The following DST variants were observed in gnomAD, a reference collection of about 807,000 sequenced individuals.
The protein encoded by DST is dystonin, also known as bullous pemphigoid antigen.
In DST, 253 loss-of-function variants were observed where a neutral mutation model predicts 875.2. That is an observed-to-expected ratio of 0.29 (90% CI 0.26 to 0.32). The LOEUF is 0.32. Among genes scored for constraint, DST ranks in the 10% least tolerant of loss-of-function variants. The pLI is 1.00. For missense variants in DST, 8,287 were observed against 9,111.6 expected (o/e 0.91, Z 3.68); for synonymous variants, 3,124 against 3,197.1 (o/e 0.98, Z 0.77).
Position 56,594,048 on chromosome 6 carries a change from T to C in DST, c.12341A>G (p.His4114Arg), listed in dbSNP as rs1177096506. The C allele has an allele frequency of 1.2e-6, 2 of 1,613,764 alleles. No homozygotes were observed. Among genetic ancestry groups the C allele is most frequent in the Non-Finnish European group, 1.7e-6 (2 of 1,179,864 alleles). The change falls in exon 48 of 104, where the codon CAT (histidine) becomes CGT (arginine). Residue 4114 changes from histidine to arginine, a missense_variant. Physicochemically the swap from His to Arg is conservative, Grantham distance 29. Transcript: ENST00000680361. The stretch of plus-strand genomic sequence containing the variant: ...TGACTCAGCCAGTGCAGTTTCATAA[T>C]GCACTTTCAGTTCCTTCATGTTCTT... ...LQKNMKELKVHYETALAESEK... is the reference protein window; with the variant it reads ...LQKNMKELKVRYETALAESEK...
chr6:56,922,443 C>T (rs1592529171), intron 2 of DST, among the ~76,000 whole-genome samples: 5 of 152,150 alleles, frequency 3.3e-5, no homozygotes, highest in Admixed American at 3.3e-4. Flanking sequence ...TTAAAAAGGA[C>T]TTGGATGCCA....
At chr6:56,669,713 TC>T (rs1200076753) in intron 10 of DST, among the ~76,000 whole-genome samples, 1 of 152,142 alleles carries the variant, frequency 6.6e-6, no homozygotes, top group African/African-American at 2.4e-5. Flanking sequence ...AGGTTTGAGT[TC>T]CAAGTCTGCC....
chr6:56,720,442 C>G (rs775318975), intron 5 of DST, among the ~76,000 whole-genome samples: 2 of 150,374 alleles, frequency 1.3e-5, no homozygotes, highest in Non-Finnish European at 2.9e-5. Context: ...GTGGAGAGAA[C>G]GTCAGCAGAT....
Position 56,465,103 on chromosome 6 carries a change from G to A in DST, c.22688-347C>T, listed in dbSNP as rs974883426. 2.6e-5 allele frequency among the ~76,000 whole-genome samples: 4 copies of A among 152,308 alleles called. No homozygotes were observed. The South Asian group carries it at 8.3e-4, about 32-fold the overall frequency. ...TTCTTGTTTTACTTCTCTCGCAGGT[G>A]TGTCTTTGGCCAGGAGAGAGCAGGG... On this transcript the variant is annotated intron_variant, in intron 99 of 103. Transcript: ENST00000680361.
In DST at chr6:56,471,021, A is replaced by G. The variant is rs533613971; in HGVS notation, c.22321+85T>C. 108 of 1,362,394 alleles carry G rather than the reference A, an allele frequency of 7.9e-5. 1 individual carries two copies. In the South Asian group the frequency reaches 1.4e-3, roughly 18 times the overall value. The allele number at this position is 1,362,394 out of a possible 1,614,324, so 84.4% of individuals were successfully genotyped here. A position where few individuals can be genotyped will look rare whatever the true frequency, so the allele number is the denominator to read the frequency against. ...TTATAAGACAATGCTTTATTGTAACACAAGTTTACCAGACCCACACTTTTA... is the reference window on the plus strand; with the variant it reads ...TTATAAGACAATGCTTTATTGTAACGCAAGTTTACCAGACCCACACTTTTA... On this transcript the variant is annotated intron_variant, in intron 95 of 103. Transcript: ENST00000680361.
At chr6:56,476,727 T>C (rs1466063747) in intron 91 of DST, among the ~76,000 whole-genome samples, 1 of 151,800 alleles carries the variant, frequency 6.6e-6, no homozygotes, top group African/African-American at 2.4e-5. Flanking sequence ...GAGGCCGAGG[T>C]GGGCGGATCA....
intron 36 of DST, chr6:56,614,902 TGAAGAAAATCCTTCCCCTCC>T: frequency 3.0e-6 from 3 of 992,168 alleles, no homozygotes. Flanking sequence ...ATACACAGAA[TGAAGAAAATCCTTCCCCTCC>T]TCCAACACAT....
chr6:56,599,962 T>C lies in DST; in HGVS notation c.11694+107A>G, dbSNP rs1330407692. 2.6e-6 allele frequency: 3 copies of C among 1,155,534 alleles called. No homozygotes were observed. In the Admixed American group the frequency reaches 7.8e-5, roughly 30 times the overall value. 71.6% of individuals were successfully genotyped at this position (1,155,534 alleles called of 1,614,324 possible). A position where few individuals can be genotyped will look rare whatever the true frequency, so the allele number is the denominator to read the frequency against. On this transcript the variant is annotated intron_variant, in intron 45 of 103. Transcript: ENST00000680361. ...GGGCGTCTTGGGTATGCCTTGCTTC[T>C]AAAAAGCTAAAATTACTGGTATTTT...
At chr6:56,916,858 T>G in intron 2 of DST, among the ~76,000 whole-genome samples, 1 of 149,542 alleles carries the variant, frequency 6.7e-6, no homozygotes. Context: ...TTCAGGCTTT[T>G]GGGCTGGAGT....
At position 56,639,791 on chromosome 6, in the gene DST, A is replaced by G. The variant is rs1234329338; in HGVS notation, c.2620-18T>C. 1.9e-6 allele frequency: 3 copies of G among 1,609,902 alleles called. No homozygotes were observed. Among genetic ancestry groups the G allele is most frequent in the Non-Finnish European group, 2.5e-6 (3 of 1,176,474 alleles). The stretch of plus-strand genomic sequence containing the variant: ...ATTTGAATCTATAACATGAGATTAA[A>G]AAGACACTCCAGTCAGGAATCTGAA... On this transcript the variant is annotated intron_variant, in intron 19 of 103. Transcript: ENST00000680361.
chr6:56,503,191 G>C (rs929476339), intron 78 of DST, among the ~76,000 whole-genome samples: 15 of 152,000 alleles, frequency 9.9e-5, no homozygotes, highest in Non-Finnish European at 2.1e-4. Context: ...TAAAAAAATA[G>C]AAAGAATGAA....
chr6:56,722,452 C>A (rs535268131), intron 5 of DST, among the ~76,000 whole-genome samples: 1 of 152,096 alleles, frequency 6.6e-6, no homozygotes, highest in African/African-American at 2.4e-5. Context: ...GGTGCAATCT[C>A]GGCTCACTGC....
At chr6:56,952,338 T>C (rs574953445) in intron 2 of DST, among the ~76,000 whole-genome samples, 1 of 152,368 alleles carries the variant, frequency 6.6e-6, no homozygotes, top group South Asian at 2.1e-4. Flanking sequence ...ATTCTTGTTC[T>C]ATCATTTATG....
intron 5 of DST, among the ~76,000 whole-genome samples, chr6:56,705,718 T>C (rs2099330361): frequency 6.6e-6 from 1 of 152,206 alleles, no homozygotes; most frequent in South Asian, 2.1e-4. Flanking sequence ...CAATTACCCA[T>C]CTAGGCATAA....
At chr6:56,463,319 T>C (rs560531687) in intron 101 of DST, among the ~76,000 whole-genome samples, 163 bp from the exon 102 acceptor site, 21 of 152,222 alleles carry the variant, frequency 1.4e-4, no homozygotes, top group African/African-American at 5.1e-4. Flanking sequence ...AAAAAATGAA[T>C]GAAGCTTTAA....
At chr6:56,909,299 C>G (rs1797838156) in intron 2 of DST, among the ~76,000 whole-genome samples, 1 of 152,194 alleles carries the variant, frequency 6.6e-6, no homozygotes, top group South Asian at 2.1e-4. Context: ...CCAGCCTCCC[C>G]TGCAGTTAGA....
chr6:56,850,554 G>C (rs1764641161), intron 4 of DST, among the ~76,000 whole-genome samples: 1 of 151,762 alleles, frequency 6.6e-6, no homozygotes, highest in Non-Finnish European at 1.5e-5. Context: ...AAGTCCCCAA[G>C]GACACATTCC....
chr6:56,772,747 T>A (rs946374216), intron 4 of DST, among the ~76,000 whole-genome samples: 1 of 152,154 alleles, frequency 6.6e-6, no homozygotes, highest in East Asian at 1.9e-4. Context: ...ACAAATATTT[T>A]GGTCCTTCAG....
At chr6:56,946,057 A>G (rs541577064) in intron 2 of DST, among the ~76,000 whole-genome samples, 2 of 152,318 alleles carry the variant, frequency 1.3e-5, no homozygotes, top group South Asian at 2.1e-4. Context: ...TACGTAAATT[A>G]TATCTCAATA....
Sources: gnomAD v4.1 joint callset for allele counts (sites outside exome capture counted in the v4.1 genomes callset) on GRCh38, gnomAD v4.1.1 for gene constraint, MANE v1.5 for transcripts, NCBI Gene and HGNC (gene_info 2026-07-23, HGNC 2026-07-21) for gene names.